PLEKHM3: variants seen among roughly 807,000 people sequenced by gnomAD.
PLEKHM3 encodes the protein pleckstrin homology domain-containing family M member 3.
Under a neutral mutation model 81.8 loss-of-function variants are expected in PLEKHM3, and 45 were observed. The ratio of observed to expected loss-of-function variants is 0.55; its 90% CI spans 0.43 to 0.71. The LOEUF is 0.71. PLEKHM3 is among the 30% of genes least tolerant of loss of function. PLEKHM3 has a pLI of 0.00. For synonymous variants in PLEKHM3, 352 were observed against 356.4 expected (o/e 0.99, Z 0.14); for missense variants, 788 against 924.3 (o/e 0.85, Z 1.91).
chr2:207,950,032 A>T (rs1273189832), intron 3 of PLEKHM3, among the ~76,000 whole-genome samples: 1 of 152,198 alleles, frequency 6.6e-6, no homozygotes, highest in Non-Finnish European at 1.5e-5. Flanking sequence ...CAGTTAACTA[A>T]CTGAGTTAAA....
intron 6 of PLEKHM3, among the ~76,000 whole-genome samples, chr2:207,864,335 G>A (rs1395244174): frequency 1.3e-5 from 2 of 152,162 alleles, no homozygotes; most frequent in African/African-American, 4.8e-5. Context: ...TACTTTCTAA[G>A]AAACAGCCAC....
chr2:208,022,574 C>A (rs969958829), intron 1 of PLEKHM3, among the ~76,000 whole-genome samples: 15 of 152,158 alleles, frequency 9.9e-5, no homozygotes, highest in African/African-American at 3.6e-4. Flanking sequence ...TTAGCTGGGG[C>A]CACCCTCAGC....
chr2:207,907,218 G>A (rs976849343), intron 6 of PLEKHM3, among the ~76,000 whole-genome samples: 1 of 152,142 alleles, frequency 6.6e-6, no homozygotes, highest in African/African-American at 2.4e-5. Context: ...AAGTACAAGT[G>A]TGGCCAGGCG....
intron 2 of PLEKHM3, among the ~76,000 whole-genome samples, chr2:207,991,637 CT>C (rs1691903811): frequency 4.6e-5 from 7 of 152,128 alleles, no homozygotes; most frequent in Non-Finnish European, 8.8e-5. Context: ...CCTGCTCTCT[CT>C]CTTCCTGGTT....
chr2:207,909,711 A>G (rs532670063), intron 5 of PLEKHM3, among the ~76,000 whole-genome samples: 1 of 152,360 alleles, frequency 6.6e-6, no homozygotes, highest in Admixed American at 6.5e-5. Context: ...CACAGGGTAT[A>G]TGCCTGGGTA....
chr2:207,918,349 C>T (rs1479257461), intron 5 of PLEKHM3, among the ~76,000 whole-genome samples: 16 of 152,054 alleles, frequency 1.1e-4, no homozygotes, highest in Admixed American at 6.5e-4. Context: ...GGTGAAACCC[C>T]GTCTCTACTA....
chr2:207,850,470 C>T (rs2092406567), intron 7 of PLEKHM3, among the ~76,000 whole-genome samples: 1 of 152,202 alleles, frequency 6.6e-6, no homozygotes, highest in African/African-American at 2.4e-5. Flanking sequence ...ATGGACAGGA[C>T]AGAAATGATG....
intron 7 of PLEKHM3, among the ~76,000 whole-genome samples, chr2:207,840,996 T>C (rs2092348047): frequency 6.6e-6 from 1 of 151,550 alleles, no homozygotes; most frequent in Admixed American, 6.6e-5. Context: ...TTAATTTTTA[T>C]ATTTTAAAGA....
intron 3 of PLEKHM3, among the ~76,000 whole-genome samples, chr2:207,955,707 T>C (rs1214535869): frequency 6.6e-6 from 1 of 152,222 alleles, no homozygotes; most frequent in Non-Finnish European, 1.5e-5. Flanking sequence ...CAATGTGGCA[T>C]TTTCAGGTAG....
chr2:207,995,770 G>A (rs1692099752), intron 2 of PLEKHM3, among the ~76,000 whole-genome samples: 1 of 152,122 alleles, frequency 6.6e-6, no homozygotes, highest in African/African-American at 2.4e-5. Flanking sequence ...CTCACCCTGA[G>A]AATAAACACA....
chr2:207,969,191 A>G (rs1412940718), intron 3 of PLEKHM3, among the ~76,000 whole-genome samples: 1 of 152,208 alleles, frequency 6.6e-6, no homozygotes, highest in Non-Finnish European at 1.5e-5. Flanking sequence ...GTTTTTCAAG[A>G]GCGTAATACA....
chr2:207,915,869 GT>G (rs1409374701), intron 5 of PLEKHM3, among the ~76,000 whole-genome samples: 1 of 152,226 alleles, frequency 6.6e-6, no homozygotes, highest in African/African-American at 2.4e-5. Flanking sequence ...GATGGCCAGT[GT>G]CTTTCCTTTG....
At chr2:207,928,204 T>C (rs969703897) in intron 5 of PLEKHM3, among the ~76,000 whole-genome samples, 5 of 152,212 alleles carry the variant, frequency 3.3e-5, no homozygotes, top group Non-Finnish European at 5.9e-5. Flanking sequence ...TCAGTTTCTG[T>C]AGGAATCAAT....
intron 6 of PLEKHM3, among the ~76,000 whole-genome samples, chr2:207,897,462 A>G (rs146140027): frequency 2.5e-4 from 38 of 152,324 alleles, no homozygotes; most frequent in African/African-American, 8.4e-4. Flanking sequence ...CTTTATGCAT[A>G]CTAACTCTAA....
chr2:207,857,779 T>A (rs2092443845), intron 7 of PLEKHM3, among the ~76,000 whole-genome samples: 1 of 152,100 alleles, frequency 6.6e-6, no homozygotes. Flanking sequence ...ACTTTGTTGA[T>A]CTCTCAAAGA....
chr2:207,858,548 C>T (rs1390068151), intron 7 of PLEKHM3, among the ~76,000 whole-genome samples: 2 of 150,518 alleles, frequency 1.3e-5, no homozygotes, highest in African/African-American at 4.9e-5. Flanking sequence ...GTGGCATGAT[C>T]TCTGCTCACT....
intron 1 of PLEKHM3, among the ~76,000 whole-genome samples, chr2:208,005,355 C>T (rs1158710085): frequency 6.6e-6 from 1 of 152,148 alleles, no homozygotes; most frequent in Admixed American, 6.5e-5. Flanking sequence ...TACCACATGA[C>T]ATTTAGTTGT....
chr2:207,849,520 G>A (rs1395454962), intron 7 of PLEKHM3, among the ~76,000 whole-genome samples: 6 of 152,134 alleles, frequency 3.9e-5, no homozygotes, highest in Non-Finnish European at 7.4e-5. Context: ...CTACACCTCT[G>A]AATTCCAGTG....
chr2:207,867,296 C>T (rs935746934), intron 6 of PLEKHM3, among the ~76,000 whole-genome samples: 3 of 152,216 alleles, frequency 2.0e-5, no homozygotes, highest in Non-Finnish European at 4.4e-5. Context: ...ATTAATTGCT[C>T]TTCCCATTTG....
Sources: gnomAD v4.1 joint callset for allele counts (sites outside exome capture counted in the v4.1 genomes callset) on GRCh38, gnomAD v4.1.1 for gene constraint, MANE v1.5 for transcripts, NCBI Gene and HGNC (gene_info 2026-07-23, HGNC 2026-07-21) for gene names.